The following ASPHD1 variants were observed in gnomAD, a reference collection of about 807,000 sequenced individuals.
ASPHD1 encodes the protein aspartate beta-hydroxylase domain containing 1, also known as aspartate beta-hydroxylase domain-containing protein 1.
In ASPHD1, 20 loss-of-function variants were observed where a neutral mutation model predicts 28.3. The observed-to-expected ratio is 0.71, with a 90% CI of 0.50 to 1.03. ASPHD1 has a LOEUF of 1.03. ASPHD1 is among the 50% of genes least tolerant of loss of function. The probability of loss-of-function intolerance (pLI) is 0.00; values close to 1 mark genes in which losing one functional copy is unlikely to be tolerated. For synonymous variants in ASPHD1, 240 were observed against 221.2 expected, an observed-to-expected ratio of 1.08 and a Z score of -0.75; for missense variants, 479 against 524.1, an observed-to-expected ratio of 0.91 and a Z score of 0.84.
intron 2 of ASPHD1, 43 bp from the exon 3 acceptor site, chr16:29,905,745 C>T: frequency 7.0e-7 from 1 of 1,438,682 alleles, no homozygotes; most frequent in Non-Finnish European, 9.8e-7. Flanking sequence ...TGTGCAAGTA[C>T]CTAATGTCAG....
chr16:29,918,414 T>C (rs2068847584), intron 3 of ASPHD1, among the ~76,000 whole-genome samples: 1 of 152,236 alleles, frequency 6.6e-6, no homozygotes, highest in South Asian at 2.1e-4. Flanking sequence ...ATACATAATA[T>C]TACCTAAAAT....
At chr16:29,915,851 CCTTGT>C (rs1323879840) in intron 3 of ASPHD1, among the ~76,000 whole-genome samples, 5 of 152,148 alleles carry the variant, frequency 3.3e-5, no homozygotes, top group African/African-American at 1.2e-4. Flanking sequence ...GTATTTAATG[CCTTGT>C]ATTTAATCTT....
chr16:29,909,557 G>C (rs933294583), downstream of ASPHD1, among the ~76,000 whole-genome samples: 2 of 152,134 alleles, frequency 1.3e-5, no homozygotes, highest in Non-Finnish European at 2.9e-5. Flanking sequence ...CACAGAGCAG[G>C]GGCTTGGGGA....
chr16:29,906,609 T>C, downstream of ASPHD1: 1 of 642,592 alleles, frequency 1.6e-6, no homozygotes, highest in Non-Finnish European at 2.9e-6. Flanking sequence ...CTTAACCAGC[T>C]GGAGAGGGAA....
chr16:29,908,288 G>A (rs1460689406), downstream of ASPHD1, among the ~76,000 whole-genome samples: 1 of 152,178 alleles, frequency 6.6e-6, no homozygotes, highest in Admixed American at 6.5e-5. Flanking sequence ...GGAATGGAAA[G>A]GGATGAAGTC....
downstream of ASPHD1, among the ~76,000 whole-genome samples, chr16:29,909,612 C>T (rs2068670608): frequency 6.6e-6 from 1 of 151,938 alleles, no homozygotes; most frequent in East Asian, 1.9e-4. Context: ...TCTACAAACT[C>T]AGAGGATGTT....
At chr16:29,908,314 G>T (rs550926935), downstream of ASPHD1, among the ~76,000 whole-genome samples, 2 of 152,324 alleles carry the variant, frequency 1.3e-5, no homozygotes, top group Admixed American at 6.5e-5. Flanking sequence ...GGTGACTGGG[G>T]TGTTCCCTTG....
downstream of ASPHD1, chr16:29,906,804 G>C (rs2068620673): frequency 5.7e-6 from 8 of 1,407,894 alleles, no homozygotes; most frequent in Non-Finnish European, 7.9e-6. Flanking sequence ...GCAAAAGTCT[G>C]GGAAGGGGAG....
At chr16:29,911,953 G>C (rs772953486) in intron 3 of ASPHD1, 2 of 1,610,354 alleles carry the variant, frequency 1.2e-6, no homozygotes. Context: ...GGGCTTGGGG[G>C]CCTCACCTTG....
downstream of ASPHD1, among the ~76,000 whole-genome samples, chr16:29,910,198 G>A (rs1326537161): frequency 6.6e-6 from 1 of 151,212 alleles, no homozygotes; most frequent in Admixed American, 6.6e-5. Flanking sequence ...AAGAGATTGA[G>A]ACCATCCTGG....
chr16:29,905,629 GAAAAAAAAAAA>G (rs770029376), intron 2 of ASPHD1, among the ~76,000 whole-genome samples, 148 bp from the exon 3 acceptor site: 2 of 49,788 alleles, frequency 4.0e-5, no homozygotes, highest in Admixed American at 2.1e-4. Context: ...TCCATCTCAG[GAAAAAAAAAAA>G]AAAAAAAAAA....
At chr16:29,906,953 G>A (rs199645186), downstream of ASPHD1, 2 of 1,614,150 alleles carry the variant, frequency 1.2e-6, no homozygotes, top group East Asian at 2.2e-5. Flanking sequence ...TGCGGACACG[G>A]TGCTCTCGGT....
downstream of ASPHD1, chr16:29,906,304 A>ATC (rs1567437460): frequency 4.9e-6 from 1 of 202,596 alleles, no homozygotes; most frequent in Non-Finnish European, 1.0e-5. Flanking sequence ...TAACACAGGC[A>ATC]TCTCCCCGTC....
In ASPHD1 at chr16:29,900,953, A is replaced by G. The variant is rs1391401975; in HGVS notation, c.-19A>G. 26 of 1,546,232 alleles carry G rather than the reference A, an allele frequency of 1.7e-5. No homozygotes were observed. The highest frequency in any genetic ancestry group is 2.1e-5 in the Non-Finnish European group (24 of 1,143,832). ...GAGAGAGAAAGGGGAGAGAAAGGAG[A>G]GAGGAGGGTTGGAGGTGCATGAAGG... On this transcript the variant is annotated 5_prime_UTR_variant, in exon 1 of 3. Coordinates refer to ENST00000308748, the MANE Select transcript of ASPHD1 (RefSeq NM_181718.4).
chr16:29,901,709 C>A lies in ASPHD1; in HGVS notation c.738C>A (p.Ala246=). 6.4e-7 allele frequency: 1 copy of A among 1,574,340 alleles called. No individual in the cohort carries two copies. The highest frequency in any genetic ancestry group is 8.6e-7 in the Non-Finnish European group (1 of 1,163,726). The change falls in exon 1 of 3, where the codon GCC becomes GCA. Residue 246 remains alanine (A), a synonymous_variant. Coordinates refer to ENST00000308748, the MANE Select transcript of ASPHD1 (RefSeq NM_181718.4). The surrounding 1 kb of genome is among the most constrained non-coding windows in gnomAD (Gnocchi z 5.1). The part of the protein sequence containing the change: ...PPPRGWSPPL[A]PGCYQLLLYQ... ...CTCGGGGCTGGTCCCCACCTCTGGCCCCCGGGTGCTACCAGCTCCTGCTGT... is the reference window on the plus strand; with the variant it reads ...CTCGGGGCTGGTCCCCACCTCTGGCACCCGGGTGCTACCAGCTCCTGCTGT...
chr16:29,918,958 T>A (rs906342470), intron 3 of ASPHD1, among the ~76,000 whole-genome samples: 2 of 151,838 alleles, frequency 1.3e-5, no homozygotes, highest in African/African-American at 4.8e-5. Flanking sequence ...GCACCTGGCA[T>A]AATTTTTGTA....
intron 3 of ASPHD1, among the ~76,000 whole-genome samples, chr16:29,917,024 G>A (rs2068822314): frequency 6.6e-6 from 1 of 152,232 alleles, no homozygotes; most frequent in African/African-American, 2.4e-5. Flanking sequence ...GGCAGAAGCT[G>A]TAATGTCTTT....
intron 3 of ASPHD1, among the ~76,000 whole-genome samples, chr16:29,918,519 G>A (rs1322457088): frequency 6.6e-6 from 1 of 152,046 alleles, no homozygotes; most frequent in Non-Finnish European, 1.5e-5. Context: ...TGACCAGGCT[G>A]GAGTGCAGTG....
downstream of ASPHD1, chr16:29,906,955 G>A (rs779071828): frequency 2.5e-6 from 4 of 1,614,052 alleles, no homozygotes; most frequent in South Asian, 4.4e-5. Context: ...CGGACACGGT[G>A]CTCTCGGTTC....
Sources: allele counts gnomAD v4.1 joint callset (sites outside exome capture counted in the v4.1 genomes callset), GRCh38; gene constraint gnomAD v4.1.1; non-coding constraint Gnocchi (gnomAD v3.1); transcripts MANE v1.5; gene names NCBI Gene and HGNC (gene_info 2026-07-23, HGNC 2026-07-21).